The following FAM91A1 variants were observed in gnomAD, a reference collection of about 807,000 sequenced individuals.
FAM91A1 encodes family with sequence similarity 91 member A1, also known as protein FAM91A1.
Under a neutral mutation model 113.5 loss-of-function variants are expected in FAM91A1, and 41 were observed. That is an observed-to-expected ratio of 0.36 (90% CI 0.28 to 0.47). FAM91A1 has a LOEUF of 0.47. Ranked by LOEUF, FAM91A1 falls within the 20% of genes least tolerant of loss-of-function variation. The pLI is 1.00. For synonymous variants in FAM91A1, 307 were observed against 347.9 expected (o/e 0.88, Z 1.31); for missense variants, 696 against 1,001.2 (o/e 0.70, Z 4.11).
rs1815866270 is a variant in FAM91A1, at chr8:123,808,390, A to G, written c.2137+14A>G. On this transcript the variant is annotated intron_variant, in intron 21 of 23. Transcript: ENST00000334705. ...AGCAAACCTCTGGTATGGTGCTAAA[A>G]CTTTTTCCAATTTTATTAGACTAAT... 1.9e-6 allele frequency: 3 copies of G among 1,600,672 alleles called. No individual in the cohort carries two copies.
chr8:123,799,373 A>G (rs1177841838), intron 16 of FAM91A1, 147 bp from the exon 17 acceptor site: 2 of 699,080 alleles, frequency 2.9e-6, no homozygotes, highest in East Asian at 3.0e-5. Context: ...TAAAATTGAA[A>G]CTATTTTAAT....
chr8:123,769,643 C>T (rs1265632139), intron 1 of FAM91A1, among the ~76,000 whole-genome samples: 2 of 152,148 alleles, frequency 1.3e-5, no homozygotes, highest in African/African-American at 2.4e-5. Flanking sequence ...GTGCGTTGCT[C>T]TAGGTGCAGG....
intron 23 of FAM91A1, chr8:123,810,797 A>G (rs1447739679): frequency 1.7e-5 from 3 of 178,504 alleles, no homozygotes; most frequent in Non-Finnish European, 3.5e-5. Flanking sequence ...AACTTTTAAA[A>G]TAGAATATTT....
At chr8:123,789,578 A>T (rs758824355) in intron 14 of FAM91A1, 35 bp from the exon 15 acceptor site, 109 of 1,610,774 alleles carry the variant, frequency 6.8e-5, no homozygotes, top group Non-Finnish European at 8.5e-5. Flanking sequence ...TAAAAGTGGT[A>T]TTTTTGTTGC....
intron 19 of FAM91A1, among the ~76,000 whole-genome samples, chr8:123,805,609 G>A (rs986438836): frequency 2.0e-5 from 3 of 152,164 alleles, no homozygotes; most frequent in Non-Finnish European, 4.4e-5. Context: ...CTAGATGGAA[G>A]ACTTTTCTCT....
chr8:123,779,872 G>A, intron 6 of FAM91A1, 113 bp from the exon 7 acceptor site: 1 of 811,524 alleles, frequency 1.2e-6, no homozygotes, highest in South Asian at 2.0e-5. Flanking sequence ...TAAATATGTA[G>A]TTCATTGAGC....
Position 123,814,905 on chromosome 8 carries a change from A to C in FAM91A1, c.*2201A>C, listed in dbSNP as rs969542373. On this transcript the variant is annotated 3_prime_UTR_variant, in exon 24 of 24. Coordinates refer to ENST00000334705, the MANE Select transcript of FAM91A1 (RefSeq NM_144963.4). ...ATTTGCCAAAGAAGATTCATGAAAA[A>C]TTTACGTCCAATTATTTTGCAAATA... is the stretch of plus-strand genomic sequence containing the variant. The C allele has an allele frequency of 4.6e-5, 7 of 152,640 alleles. No homozygotes were observed. The highest frequency in any genetic ancestry group is 1.7e-4 in the African/African-American group (7 of 41,464). 9.5% of individuals were successfully genotyped at this position (152,640 alleles called of 1,614,324 possible).
intron 18 of FAM91A1, among the ~76,000 whole-genome samples, chr8:123,802,863 C>A (rs1815720574): frequency 6.6e-6 from 1 of 152,150 alleles, no homozygotes; most frequent in Non-Finnish European, 1.5e-5. Flanking sequence ...GATAAAGTTC[C>A]CATCTTTTTA....
chr8:123,795,838 C>A (rs190762798), intron 15 of FAM91A1, among the ~76,000 whole-genome samples: 1 of 152,124 alleles, frequency 6.6e-6, no homozygotes, highest in Non-Finnish European at 1.5e-5. Flanking sequence ...CTGTTTTGTG[C>A]AAATGTAGTC....
At chr8:123,789,820 C>T in intron 15 of FAM91A1, 75 bp downstream of exon 15, 7 of 1,512,644 alleles carry the variant, frequency 4.6e-6, no homozygotes, top group Admixed American at 1.9e-5. Context: ...AGATCATGCT[C>T]ACTTATATAA....
At chr8:123,798,978 G>A (rs1054468696) in intron 16 of FAM91A1, among the ~76,000 whole-genome samples, 1 of 152,100 alleles carries the variant, frequency 6.6e-6, no homozygotes, top group Admixed American at 6.5e-5. Context: ...GCACACCACC[G>A]AACCTCTCCT....
intron 6 of FAM91A1, 39 bp from the exon 7 acceptor site, chr8:123,779,946 T>C: frequency 6.4e-7 from 1 of 1,561,568 alleles, no homozygotes; most frequent in Non-Finnish European, 8.8e-7. Context: ...ATTAGTTAAT[T>C]TGGACAGAAC....
intron 8 of FAM91A1, 59 bp from the exon 9 acceptor site, chr8:123,784,411 A>T (rs1815200228): frequency 1.6e-6 from 2 of 1,278,326 alleles, no homozygotes; most frequent in African/African-American, 1.5e-5. Flanking sequence ...TATGTAAATT[A>T]TACTTTCTTG....
At chr8:123,807,811 G>T (rs1815849105) in intron 20 of FAM91A1, among the ~76,000 whole-genome samples, 1 of 152,192 alleles carries the variant, frequency 6.6e-6, no homozygotes, top group Non-Finnish European at 1.5e-5. Context: ...AAGTAGATAA[G>T]GTCTAAGGGA....
chr8:123,807,417 GA>G (rs1203519411), intron 20 of FAM91A1, among the ~76,000 whole-genome samples: 1 of 142,068 alleles, frequency 7.0e-6, no homozygotes, highest in Non-Finnish European at 1.5e-5. Flanking sequence ...GCTAAAGCAG[GA>G]GTATTGCTTG....
intron 14 of FAM91A1, among the ~76,000 whole-genome samples, chr8:123,789,241 A>T (rs974831214): frequency 6.6e-6 from 1 of 152,212 alleles, no homozygotes; most frequent in Non-Finnish European, 1.5e-5. Context: ...CAGAATTGTG[A>T]ACAAAGTTAT....
At position 123,810,572 on chromosome 8, in the gene FAM91A1, G is replaced by GCTCT. The variant is rs1161903781; in HGVS notation, c.2331+223_2331+224insCTCT. ...CTTGATCTCTTTGTTCTGTGCCAGT[G>GCTCT]CTTTATTCAACAGAAATGTGTTAAG... is the stretch of plus-strand genomic sequence containing the variant. On this transcript the variant is annotated intron_variant, in intron 23 of 23. Transcript: ENST00000334705. 1.5e-5 allele frequency: 9 copies of GCTCT among 605,766 alleles called. No individual in the cohort carries two copies. The Admixed American group carries it at 2.6e-4, about 18-fold the overall frequency. The allele number at this position is 605,766 out of a possible 1,614,324, so 37.5% of individuals were successfully genotyped here. A position where few individuals can be genotyped will look rare whatever the true frequency, so the allele number is the denominator to read the frequency against.
chr8:123,810,168 G>A, intron 22 of FAM91A1, 114 bp from the exon 23 acceptor site: 1 of 941,396 alleles, frequency 1.1e-6, no homozygotes, highest in Non-Finnish European at 1.5e-6. Context: ...AAGATGTTTT[G>A]TGATTGGCCA....
chr8:123,784,624 T>C, intron 9 of FAM91A1, 48 bp downstream of exon 9: 1 of 1,383,262 alleles, frequency 7.2e-7, no homozygotes, highest in Non-Finnish European at 1.0e-6. Flanking sequence ...GATTGTAAGT[T>C]TGTGTAAAGT....
Sources: allele counts gnomAD v4.1 joint callset (sites outside exome capture counted in the v4.1 genomes callset), GRCh38; gene constraint gnomAD v4.1.1; transcripts MANE v1.5; gene names NCBI Gene and HGNC (gene_info 2026-07-23, HGNC 2026-07-21).